NELL2: variants seen among roughly 807,000 people sequenced by gnomAD.
NELL2 encodes neural EGFL like 2.
In NELL2, 41 loss-of-function variants were observed where a neutral mutation model predicts 109.6. The observed-to-expected ratio is 0.37, with a 90% confidence interval of 0.29 to 0.49. NELL2 has a LOEUF of 0.49. NELL2 is among the 20% of genes least tolerant of loss of function. NELL2 has a pLI of 0.98. For missense variants in NELL2, 900 were observed against 1,008.3 expected (o/e 0.89, Z 1.45); for synonymous variants, 355 against 344.7 (o/e 1.03, Z -0.33).
At chr12:44,570,736 T>A (rs551229581) in intron 15 of NELL2, among the ~76,000 whole-genome samples, 1 of 152,328 alleles carries the variant, frequency 6.6e-6, no homozygotes, top group Admixed American at 6.5e-5. Flanking sequence ...ACTCTGTTCA[T>A]CTCTCTGCTA....
intron 16 of NELL2, among the ~76,000 whole-genome samples, chr12:44,525,170 A>C (rs915039744): frequency 1.3e-5 from 2 of 152,228 alleles, no homozygotes; most frequent in African/African-American, 4.8e-5. Context: ...GAATTTTTGC[A>C]ATCATTTTAT....
chr12:44,818,232 A>AT lies in NELL2; in HGVS notation c.185-2097dup, dbSNP rs1309711490. The stretch of plus-strand genomic sequence containing the variant: ...GCAAAATCTAATTGAGAATGATTTC[A>AT]TCTAGTGTTAACTTTTAATTCATTC... On this transcript the variant is annotated intron_variant, in intron 2 of 19. Transcript: ENST00000429094. 3.9e-5 allele frequency among the ~76,000 whole-genome samples: 6 copies of AT among 152,368 alleles called. No homozygotes were observed. In the East Asian group the frequency reaches 1.2e-3, roughly 29 times the overall value.
At chr12:44,770,048 T>C (rs146007628) in intron 9 of NELL2, among the ~76,000 whole-genome samples, 47 of 152,268 alleles carry the variant, frequency 3.1e-4, no homozygotes, top group Admixed American at 3.0e-3. Flanking sequence ...TTACATACTA[T>C]TTGATCTTAG....
At chr12:44,749,210 G>T (rs1388957750) in intron 9 of NELL2, among the ~76,000 whole-genome samples, 1 of 152,108 alleles carries the variant, frequency 6.6e-6, no homozygotes, top group Non-Finnish European at 1.5e-5. Context: ...AACTGCCAAA[G>T]AAATTTCCCT....
intron 9 of NELL2, among the ~76,000 whole-genome samples, chr12:44,768,376 C>A (rs1745433055): frequency 6.6e-6 from 1 of 151,826 alleles, no homozygotes; most frequent in African/African-American, 2.4e-5. Flanking sequence ...ACAGGATTAT[C>A]TTGATGAAAT....
intron 1 of NELL2, among the ~76,000 whole-genome samples, chr12:44,896,947 T>C (rs1340449439): frequency 6.6e-6 from 1 of 152,140 alleles, no homozygotes; most frequent in East Asian, 1.9e-4. Flanking sequence ...AGGAAAGCAA[T>C]GAAGGTTTTT....
chr12:44,555,913 G>A (rs1943234101), intron 15 of NELL2, among the ~76,000 whole-genome samples: 2 of 152,136 alleles, frequency 1.3e-5, no homozygotes, highest in Admixed American at 6.5e-5. Flanking sequence ...CAGAGATCTG[G>A]GAAATAAAGC....
intron 1 of NELL2, among the ~76,000 whole-genome samples, chr12:44,913,535 A>G (rs766404555): frequency 6.6e-5 from 10 of 152,142 alleles, no homozygotes; most frequent in South Asian, 4.1e-4. Context: ...CCAGTCCTAA[A>G]ATAGTTGCCA....
At position 44,780,848 on chromosome 12, in the gene NELL2, G is replaced by A. The variant is rs75761064; in HGVS notation, c.336-826C>T. Among the ~76,000 whole-genome samples the A allele has an allele frequency of 4.9e-3, 740 of 152,180 alleles. 6 individuals carry two copies. Among genetic ancestry groups the A allele is most frequent in the African/African-American group, 0.017 (699 of 41,522 alleles). On this transcript the variant is annotated intron_variant, in intron 3 of 19. Transcript: ENST00000429094. ...TCAACTGTCAACAAAGGCAAGTGGG[G>A]AATCTAGACTTCTACCTCCACCTGG... is the stretch of plus-strand genomic sequence containing the variant.
intron 1 of NELL2, among the ~76,000 whole-genome samples, chr12:44,890,566 T>G (rs1945521987): frequency 6.6e-6 from 1 of 152,106 alleles, no homozygotes; most frequent in Non-Finnish European, 1.5e-5. Context: ...CTTTAAAAGT[T>G]GTTAGAAAAC....
At chr12:44,522,481 T>C (rs1295136486) in intron 17 of NELL2, among the ~76,000 whole-genome samples, 1 of 152,176 alleles carries the variant, frequency 6.6e-6, no homozygotes, top group African/African-American at 2.4e-5. Context: ...TATACGTAAG[T>C]ATATATTTGT....
intron 13 of NELL2, among the ~76,000 whole-genome samples, chr12:44,647,734 A>G (rs1017742821): frequency 8.5e-6 from 1 of 118,090 alleles, no homozygotes; most frequent in African/African-American, 3.8e-5. Context: ...TAGAATTTCA[A>G]TAAGTGAAGA....
At chr12:44,816,160 T>C (rs1943341729) in intron 2 of NELL2, 24 bp from the exon 3 acceptor site, 4 of 1,550,960 alleles carry the variant, frequency 2.6e-6, no homozygotes, top group Admixed American at 4.2e-5. Context: ...AAACATATAC[T>C]AAGAATAGTA....
intron 16 of NELL2, among the ~76,000 whole-genome samples, chr12:44,527,649 C>G (rs760191823): frequency 9.9e-5 from 15 of 152,110 alleles, no homozygotes; most frequent in Non-Finnish European, 1.9e-4. Flanking sequence ...AAAATAGCAC[C>G]TTCTCTGAGA....
intron 13 of NELL2, among the ~76,000 whole-genome samples, chr12:44,628,906 C>T (rs1002778224): frequency 1.3e-5 from 2 of 152,098 alleles, no homozygotes; most frequent in Middle Eastern, 3.2e-3. Flanking sequence ...TGTCATAATT[C>T]TAAATTTGAA....
chr12:44,869,832 T>C (rs1945112943), intron 2 of NELL2, among the ~76,000 whole-genome samples: 1 of 152,180 alleles, frequency 6.6e-6, no homozygotes, highest in Non-Finnish European at 1.5e-5. Context: ...TTAACATGTT[T>C]TGGAATCTGA....
chr12:44,811,843 G>C (rs1416340856), intron 3 of NELL2, among the ~76,000 whole-genome samples: 1 of 152,090 alleles, frequency 6.6e-6, no homozygotes, highest in Non-Finnish European at 1.5e-5. Context: ...AGACTTTGTA[G>C]TCTAACTCAC....
chr12:44,786,577 G>C (rs1275265452), intron 3 of NELL2, among the ~76,000 whole-genome samples: 1 of 152,096 alleles, frequency 6.6e-6, no homozygotes. Flanking sequence ...ACATGTACAT[G>C]TATGTTTTCT....
At chr12:44,712,255 C>A (rs1383536567) in intron 10 of NELL2, among the ~76,000 whole-genome samples, 1 of 152,014 alleles carries the variant, frequency 6.6e-6, no homozygotes, top group Non-Finnish European at 1.5e-5. Context: ...TGAATTTCTG[C>A]AAGGAATGCT....
Sources: gnomAD v4.1 joint callset for allele counts (sites outside exome capture counted in the v4.1 genomes callset) on GRCh38, gnomAD v4.1.1 for gene constraint, MANE v1.5 for transcripts, NCBI Gene and HGNC (gene_info 2026-07-23, HGNC 2026-07-21) for gene names.